Variants in NELL1 observed in about 807,000 individuals in gnomAD.
The protein encoded by NELL1 is protein kinase C-binding protein NELL1.
A neutral mutation model predicts 107.4 loss-of-function variants in NELL1; 76 were observed. The observed-to-expected ratio is 0.71, with a 90% CI of 0.59 to 0.86. The LOEUF (loss-of-function observed/expected upper bound fraction) is 0.86. NELL1 is among the 40% of genes least tolerant of loss of function. The pLI is 0.00. For missense variants in NELL1, 1,024 were observed against 1,005.5 expected (o/e 1.02, Z -0.25); for synonymous variants, 353 against 341.2 (o/e 1.03, Z -0.38).
chr11:21,362,462 T>G (rs142110400), intron 14 of NELL1, among the ~76,000 whole-genome samples: 1 of 152,312 alleles, frequency 6.6e-6, no homozygotes, highest in Non-Finnish European at 1.5e-5. Context: ...CTAGCTTTCT[T>G]GAATGCTGGT....
At chr11:21,340,964 C>T (rs955086752) in intron 14 of NELL1, among the ~76,000 whole-genome samples, 1 of 152,170 alleles carries the variant, frequency 6.6e-6, no homozygotes, top group Non-Finnish European at 1.5e-5. Flanking sequence ...CTCACATTCT[C>T]TTATTCTTGC....
chr11:20,957,290 C>T (rs1851194930), intron 11 of NELL1, among the ~76,000 whole-genome samples: 2 of 152,208 alleles, frequency 1.3e-5, no homozygotes. Flanking sequence ...GAAAATCTTG[C>T]ATTCCTAAAA....
At chr11:21,571,112 A>G (rs969207998) in intron 18 of NELL1, among the ~76,000 whole-genome samples, 172 bp downstream of exon 18, 6 of 151,898 alleles carry the variant, frequency 4.0e-5, no homozygotes, top group Non-Finnish European at 7.4e-5. Flanking sequence ...TGTATTTGAA[A>G]TACTGTACAA....
chr11:20,745,806 A>G (rs1232632614), intron 2 of NELL1, among the ~76,000 whole-genome samples: 1 of 152,188 alleles, frequency 6.6e-6, no homozygotes, highest in African/African-American at 2.4e-5. Context: ...AGATGAGGAC[A>G]TTGAGGCTCA....
At chr11:21,168,535 C>T (rs1011560051) in intron 13 of NELL1, among the ~76,000 whole-genome samples, 1 of 151,728 alleles carries the variant, frequency 6.6e-6, no homozygotes, top group East Asian at 1.9e-4. Context: ...CTAATACTTC[C>T]TCACCATCCT....
chr11:20,917,732 T>C (rs1850287690), intron 5 of NELL1, among the ~76,000 whole-genome samples: 2 of 151,940 alleles, frequency 1.3e-5, no homozygotes, highest in African/African-American at 2.4e-5. Context: ...AGAGCAAGGA[T>C]TGTTATGGAA....
intron 14 of NELL1, among the ~76,000 whole-genome samples, chr11:21,328,781 G>T (rs1425734891): frequency 4.6e-5 from 7 of 152,160 alleles, no homozygotes; most frequent in East Asian, 3.9e-4. Context: ...GGAGTCAAAA[G>T]ACATCATTTT....
intron 12 of NELL1, among the ~76,000 whole-genome samples, chr11:21,069,576 G>A (rs1485184198): frequency 6.6e-6 from 1 of 152,208 alleles, no homozygotes; most frequent in Non-Finnish European, 1.5e-5. Context: ...ACCCTTTTGT[G>A]AAGCTGTTTG....
chr11:21,463,471 A>C (rs1178520667), intron 15 of NELL1, among the ~76,000 whole-genome samples: 4 of 152,084 alleles, frequency 2.6e-5, no homozygotes, highest in African/African-American at 7.2e-5. Flanking sequence ...TTAAATCTAA[A>C]AGTATATTTG....
chr11:20,836,410 C>T (rs1848535524), intron 3 of NELL1, among the ~76,000 whole-genome samples: 1 of 151,938 alleles, frequency 6.6e-6, no homozygotes, highest in Non-Finnish European at 1.5e-5. Context: ...CAAAGCTAAA[C>T]ATAGTCTTAT....
At chr11:20,751,546 G>A (rs1431437679) in intron 2 of NELL1, among the ~76,000 whole-genome samples, 1 of 151,964 alleles carries the variant, frequency 6.6e-6, no homozygotes, top group Non-Finnish European at 1.5e-5. Context: ...GCATGACCAT[G>A]GCTTACTGGA....
intron 5 of NELL1, among the ~76,000 whole-genome samples, chr11:20,889,964 GT>G (rs1849585376): frequency 6.6e-6 from 1 of 152,136 alleles, no homozygotes; most frequent in South Asian, 2.1e-4. Flanking sequence ...AGACGAGTAG[GT>G]TTCCCCCCAG....
intron 2 of NELL1, among the ~76,000 whole-genome samples, chr11:20,705,813 T>G (rs1378260686): frequency 1.3e-5 from 2 of 151,170 alleles, no homozygotes; most frequent in Non-Finnish European, 2.9e-5. Context: ...GCCAACAAAT[T>G]TACAAGAAAA....
intron 15 of NELL1, among the ~76,000 whole-genome samples, chr11:21,382,925 A>T (rs572708575): frequency 2.1e-4 from 32 of 152,060 alleles, no homozygotes; most frequent in African/African-American, 6.3e-4. Context: ...AACTTTAAAC[A>T]CAAAGGATAA....
intron 13 of NELL1, among the ~76,000 whole-genome samples, chr11:21,153,545 C>T (rs184450404): frequency 6.4e-4 from 97 of 152,254 alleles, no homozygotes; most frequent in Admixed American, 1.7e-3. Flanking sequence ...TGGAGCTCAT[C>T]ATCAAGAGGG....
chr11:20,915,724 T>A (rs1324321148), intron 5 of NELL1, among the ~76,000 whole-genome samples: 83 of 130,132 alleles, frequency 6.4e-4, no homozygotes, highest in East Asian at 1.5e-3. Flanking sequence ...TATATTTTTT[T>A]TTTTTTTTTT....
chr11:20,912,501 C>T (rs188883624), intron 5 of NELL1, among the ~76,000 whole-genome samples: 71 of 152,196 alleles, frequency 4.7e-4, no homozygotes, highest in Admixed American at 1.3e-3. Context: ...AAAAATGAGC[C>T]GAGGTGAACC....
At chr11:21,098,449 G>A (rs1054059319) in intron 12 of NELL1, among the ~76,000 whole-genome samples, 1 of 152,146 alleles carries the variant, frequency 6.6e-6, no homozygotes, top group Non-Finnish European at 1.5e-5. Context: ...CTGGGCAGCT[G>A]AGCTCCTAAG....
chr11:21,478,726 G>C (rs975814256), intron 15 of NELL1, among the ~76,000 whole-genome samples: 13 of 150,074 alleles, frequency 8.7e-5, no homozygotes, highest in African/African-American at 3.2e-4. Flanking sequence ...CACAGCAAAG[G>C]AAACAGTCAA....
Sources: gnomAD v4.1 joint callset for allele counts (sites outside exome capture counted in the v4.1 genomes callset) on GRCh38, gnomAD v4.1.1 for gene constraint, MANE v1.5 for transcripts, NCBI Gene and HGNC (gene_info 2026-07-23, HGNC 2026-07-21) for gene names.